Variants in RANBP2 observed in about 807,000 individuals in gnomAD.
RANBP2 encodes RAN binding protein 2, also known as E3 SUMO-protein ligase RanBP2.
A neutral mutation model predicts 303.6 loss-of-function variants in RANBP2; 57 were observed. The ratio of observed to expected loss-of-function variants is 0.19; its 90% CI spans 0.15 to 0.23. RANBP2 has a LOEUF of 0.23. Ranked by LOEUF, RANBP2 falls within the 10% of genes least tolerant of loss-of-function variation. The pLI is 1.00. For missense variants in RANBP2, 3,138 were observed against 3,780.8 expected (o/e 0.83, Z 4.46); for synonymous variants, 1,167 against 1,301.5 (o/e 0.90, Z 2.23).
At chr2:108,929,460 T>A in the RANBP2 span, 1 of 1,451,532 alleles carries the variant, frequency 6.9e-7, no homozygotes. Context: ...CCTTGGGCAG[T>A]GACGTGCCAG....
the RANBP2 span, among the ~76,000 whole-genome samples, chr2:109,500,011 C>T: frequency 4.5e-3 from 684 of 152,142 alleles, 6 homozygotes; most frequent in African/African-American, 0.015. Flanking sequence ...ATGGTGGAAG[C>T]GGGTGGTCCG....
chr2:109,517,482 G>T, the RANBP2 span, among the ~76,000 whole-genome samples: 1 of 152,076 alleles, frequency 6.6e-6, no homozygotes, highest in Non-Finnish European at 1.5e-5. Flanking sequence ...AACACCGCAG[G>T]TTCGGACCTG....
At chr2:109,460,431 C>T in the RANBP2 span, among the ~76,000 whole-genome samples, 2 of 152,100 alleles carry the variant, frequency 1.3e-5, no homozygotes, top group South Asian at 2.1e-4. Flanking sequence ...CAGTGGTAGT[C>T]GTAGCCAGGT....
chr2:108,846,948 C>G, the RANBP2 span: 1 of 1,355,518 alleles, frequency 7.4e-7, no homozygotes, highest in South Asian at 1.2e-5. Flanking sequence ...TTCAATTGTA[C>G]TTATGGTTAA....
chr2:108,852,260 A>G, the RANBP2 span, among the ~76,000 whole-genome samples: 1 of 152,114 alleles, frequency 6.6e-6, no homozygotes, highest in African/African-American at 2.4e-5. Context: ...GTAAGATACA[A>G]CTCTTCTTTA....
At chr2:109,249,228 C>T in the RANBP2 span, among the ~76,000 whole-genome samples, 1 of 152,348 alleles carries the variant, frequency 6.6e-6, no homozygotes, top group Admixed American at 6.5e-5. Flanking sequence ...CCCCCGACTC[C>T]TACCCTGTTC....
chr2:109,690,732 C>T, the RANBP2 span, among the ~76,000 whole-genome samples: 46 of 151,790 alleles, frequency 3.0e-4, no homozygotes, highest in Admixed American at 3.0e-3. Flanking sequence ...TCCTGAGAAA[C>T]ACCTTGGGTA....
At chr2:109,574,397 G>A in the RANBP2 span, among the ~76,000 whole-genome samples, 1 of 133,092 alleles carries the variant, frequency 7.5e-6, no homozygotes, top group African/African-American at 2.9e-5. Context: ...AGTAAGCCAC[G>A]ATCTCACAAC....
the RANBP2 span, among the ~76,000 whole-genome samples, chr2:109,468,683 G>C: frequency 7.3e-5 from 11 of 151,686 alleles, no homozygotes; most frequent in African/African-American, 2.7e-4. Flanking sequence ...GTGAAACCCT[G>C]TCTCTATTAA....
the RANBP2 span, among the ~76,000 whole-genome samples, chr2:109,621,914 A>AAAATAAATAAATAAATAAATAAAT: frequency 4.0e-4 from 59 of 146,486 alleles, no homozygotes; most frequent in African/African-American, 5.8e-4. Context: ...CTCCATCTCA[A>AAAATAAATAAATAAATAAATAAAT]AAATAAATAA....
the RANBP2 span, among the ~76,000 whole-genome samples, chr2:108,859,136 C>T: frequency 2.0e-5 from 3 of 152,188 alleles, no homozygotes; most frequent in Non-Finnish European, 4.4e-5. Context: ...TTTTGGTTTG[C>T]ATTTCAAAGA....
chr2:109,165,429 C>T, the RANBP2 span, among the ~76,000 whole-genome samples: 15 of 152,142 alleles, frequency 9.9e-5, no homozygotes, highest in Non-Finnish European at 2.2e-4. Flanking sequence ...CCCACCACCC[C>T]TGCTAGAAGG....
the RANBP2 span, among the ~76,000 whole-genome samples, chr2:109,364,044 T>G: frequency 6.6e-6 from 1 of 152,128 alleles, no homozygotes; most frequent in Non-Finnish European, 1.5e-5. Flanking sequence ...GTTTCAAATA[T>G]TCCTTCTGTT....
chr2:109,265,852 G>C, the RANBP2 span, among the ~76,000 whole-genome samples: 1 of 152,214 alleles, frequency 6.6e-6, no homozygotes, highest in Admixed American at 6.5e-5. Flanking sequence ...CAAGGGGGTG[G>C]ACACCACTGA....
chr2:109,719,499 C>T, the RANBP2 span, among the ~76,000 whole-genome samples: 2 of 151,610 alleles, frequency 1.3e-5, no homozygotes, highest in Non-Finnish European at 2.9e-5. Context: ...CTCTGGCTCC[C>T]CGGTTCAAGC....
chr2:109,615,573 G>A, the RANBP2 span: 1 of 1,614,068 alleles, frequency 6.2e-7, no homozygotes. Context: ...GCTGCTGGTG[G>A]GGGCCTACGA....
At chr2:109,426,963 A>T in the RANBP2 span, among the ~76,000 whole-genome samples, 3 of 113,528 alleles carry the variant, frequency 2.6e-5, no homozygotes, top group East Asian at 2.3e-4. Flanking sequence ...AGGGCAATAA[A>T]ATATATATAT....
the RANBP2 span, among the ~76,000 whole-genome samples, chr2:109,701,698 G>A: frequency 6.6e-6 from 1 of 152,174 alleles, no homozygotes; most frequent in African/African-American, 2.4e-5. Context: ...TTTCCTGTGG[G>A]CAAATTGTGA....
chr2:109,432,403 T>C, the RANBP2 span: 1 of 1,483,660 alleles, frequency 6.7e-7, no homozygotes. Context: ...TCTTTTTAGG[T>C]TGGGTTCCTC....
Sources: allele counts gnomAD v4.1 joint callset (sites outside exome capture counted in the v4.1 genomes callset), GRCh38; gene constraint gnomAD v4.1.1; transcripts MANE v1.5; gene names NCBI Gene and HGNC (gene_info 2026-07-23, HGNC 2026-07-21).